The following NREP variants were observed in gnomAD, a reference collection of about 807,000 sequenced individuals.
NREP encodes the protein neuronal regeneration related protein.
NREP carries 5 observed loss-of-function variants against 8.6 expected under a neutral mutation model. That is an observed-to-expected ratio of 0.58 (90% CI 0.30 to 1.22). NREP has a LOEUF of 1.22. Ranked by LOEUF, NREP falls within the 50% of genes most tolerant of loss-of-function variation. The pLI is 0.07. For synonymous variants in NREP, 27 were observed against 28.0 expected (o/e 0.96, Z 0.11); for missense variants, 86 against 82.5 (o/e 1.04, Z -0.17).
intron 2 of NREP, among the ~76,000 whole-genome samples, chr5:111,926,965 C>T (rs1755406350): frequency 6.6e-6 from 1 of 151,740 alleles, no homozygotes; most frequent in Non-Finnish European, 1.5e-5. Context: ...AGACCCTAGT[C>T]CTCCGCTAAT....
intron 2 of NREP, among the ~76,000 whole-genome samples, chr5:111,794,378 T>C (rs979884148): frequency 6.6e-6 from 1 of 152,216 alleles, no homozygotes; most frequent in African/African-American, 2.4e-5. Flanking sequence ...AGGATGTTCA[T>C]ATTAACAGCA....
chr5:111,921,400 C>A (rs1243314605), intron 2 of NREP, among the ~76,000 whole-genome samples: 1 of 152,088 alleles, frequency 6.6e-6, no homozygotes, highest in Non-Finnish European at 1.5e-5. Flanking sequence ...TGACAGTTGT[C>A]ATATCTCAGA....
chr5:111,733,701 A>G (rs550419987), intron 3 of NREP: 1 of 152,226 alleles, frequency 6.6e-6, no homozygotes, highest in East Asian at 1.9e-4. Context: ...TCCAGCACGT[A>G]TTTGTGCCAA....
At chr5:111,910,931 A>G (rs993613871) in intron 2 of NREP, among the ~76,000 whole-genome samples, 1 of 152,070 alleles carries the variant, frequency 6.6e-6, no homozygotes, top group Non-Finnish European at 1.5e-5. Flanking sequence ...TGGTACTAGA[A>G]GCTTCAGAGA....
upstream of NREP, chr5:111,757,705 A>C (rs1750821942): frequency 4.1e-6 from 4 of 984,290 alleles, no homozygotes; most frequent in South Asian, 1.4e-4. Flanking sequence ...GACAAAGCGG[A>C]CCCGCAGCTC....
At chr5:111,925,621 T>C (rs1451934377) in intron 2 of NREP, among the ~76,000 whole-genome samples, 2 of 152,200 alleles carry the variant, frequency 1.3e-5, no homozygotes, top group African/African-American at 2.4e-5. Context: ...ACTTTAGGAC[T>C]AGCTGTCCTT....
intron 2 of NREP, among the ~76,000 whole-genome samples, chr5:111,766,018 T>G (rs1047318364): frequency 3.5e-5 from 4 of 115,052 alleles, no homozygotes; most frequent in African/African-American, 1.2e-4. Flanking sequence ...GTCAGAAAAC[T>G]AAAAAACTGA....
intron 2 of NREP, among the ~76,000 whole-genome samples, chr5:111,971,791 A>C (rs1323844374): frequency 6.6e-6 from 1 of 152,202 alleles, no homozygotes; most frequent in East Asian, 1.9e-4. Flanking sequence ...TGATGCGAAA[A>C]GCACACTAAG....
In NREP at chr5:111,938,595, C is replaced by G. The variant is rs148559084; in HGVS notation, c.135+36679G>C. On this transcript the variant is annotated intron_variant, in intron 2 of 3. Coordinates refer to the NREP transcript ENST00000395634. The stretch of plus-strand genomic sequence containing the variant: ...GTTTGCATTTCAGATCGGTCACTTA[C>G]TGTATGTGTGACCTCTAGAACAAGT... Among the ~76,000 whole-genome samples the G allele has an allele frequency of 5.3e-3, 811 of 152,130 alleles. 3 individuals carry two copies. The highest frequency in any genetic ancestry group is 8.2e-3 in the Non-Finnish European group (558 of 67,962).
intron 2 of NREP, among the ~76,000 whole-genome samples, chr5:111,950,984 C>A (rs1306028932): frequency 6.6e-6 from 1 of 152,094 alleles, no homozygotes; most frequent in Non-Finnish European, 1.5e-5. Context: ...ACTATCCTTA[C>A]TCTCTGCCAT....
chr5:111,949,984 T>C (rs1756107467), intron 2 of NREP, among the ~76,000 whole-genome samples: 1 of 152,088 alleles, frequency 6.6e-6, no homozygotes, highest in African/African-American at 2.4e-5. Context: ...TTTCTGGTTC[T>C]AGATCCTTGA....
chr5:111,915,962 G>A (rs1286188490), intron 2 of NREP, among the ~76,000 whole-genome samples: 1 of 152,028 alleles, frequency 6.6e-6, no homozygotes, highest in Non-Finnish European at 1.5e-5. Context: ...TTGTGCAGCA[G>A]CTCATTATTC....
chr5:111,819,123 A>C (rs1581140123), intron 2 of NREP, among the ~76,000 whole-genome samples: 1 of 152,172 alleles, frequency 6.6e-6, no homozygotes, highest in African/African-American at 2.4e-5. Context: ...TAGTTTCAGT[A>C]AACAACTTTC....
At chr5:111,947,911 T>C (rs867320527) in intron 2 of NREP, among the ~76,000 whole-genome samples, 1 of 152,172 alleles carries the variant, frequency 6.6e-6, no homozygotes, top group South Asian at 2.1e-4. Flanking sequence ...TAGACTTCTC[T>C]GCCCCATTTA....
rs753176624 is a variant in NREP, at chr5:111,730,739, A to T, written c.*182T>A. ...AATTCTGAGCGTTTTCACTTGAGTC[A>T]GAATGATTAAAAACTGGTTTGATGA... On this transcript the variant is annotated 3_prime_UTR_variant, in exon 4 of 4. Transcript: ENST00000257435. The T allele has an allele frequency of 6.0e-6, 4 of 666,452 alleles. No individual in the cohort carries two copies. Among genetic ancestry groups the T allele is most frequent in the Non-Finnish European group, 9.9e-6 (4 of 403,342 alleles). 41.3% of individuals were successfully genotyped at this position (666,452 alleles called of 1,614,324 possible).
chr5:111,796,649 T>C (rs1327803595), intron 2 of NREP, among the ~76,000 whole-genome samples: 4 of 151,466 alleles, frequency 2.6e-5, no homozygotes, highest in Middle Eastern at 3.2e-3. Flanking sequence ...AACAGTATCA[T>C]AGTCTAGCTC....
chr5:111,902,967 GACT>G (rs1245913992), intron 2 of NREP, among the ~76,000 whole-genome samples: 10 of 152,022 alleles, frequency 6.6e-5, no homozygotes, highest in African/African-American at 2.2e-4. Flanking sequence ...TTCAGGGATA[GACT>G]ACATGGGTGG....
intron 2 of NREP, among the ~76,000 whole-genome samples, chr5:111,904,641 C>T (rs879919339): frequency 6.6e-6 from 1 of 152,012 alleles, no homozygotes; most frequent in African/African-American, 2.4e-5. Context: ...GAAAGAGCCC[C>T]AGGAACTTCA....
chr5:111,873,478 T>C (rs1753835458), intron 2 of NREP, among the ~76,000 whole-genome samples: 1 of 152,196 alleles, frequency 6.6e-6, no homozygotes, highest in South Asian at 2.1e-4. Context: ...TTCATTTCAT[T>C]TGTAGGGGAC....
Sources: allele counts gnomAD v4.1 joint callset (sites outside exome capture counted in the v4.1 genomes callset), GRCh38; gene constraint gnomAD v4.1.1; transcripts MANE v1.5; gene names NCBI Gene and HGNC (gene_info 2026-07-23, HGNC 2026-07-21).